KCMF1: variants seen among roughly 807,000 people sequenced by gnomAD.
KCMF1 encodes E3 ubiquitin-protein ligase KCMF1.
Under a neutral mutation model 41.1 loss-of-function variants are expected in KCMF1, and 3 were observed. The observed-to-expected ratio is 0.07, with a 90% CI of 0.03 to 0.19. The LOEUF is 0.19. KCMF1 is among the 10% of genes least tolerant of loss of function. The probability of loss-of-function intolerance (pLI) is 1.00; values close to 1 mark genes in which losing one functional copy is unlikely to be tolerated. For missense variants in KCMF1, 286 were observed against 488.9 expected (o/e 0.58, Z 3.91); for synonymous variants, 142 against 164.5 (o/e 0.86, Z 1.04).
intron 5 of KCMF1, among the ~76,000 whole-genome samples, chr2:85,047,941 A>T (rs975106446): frequency 9.2e-5 from 14 of 152,188 alleles, no homozygotes; most frequent in African/African-American, 3.4e-4. Flanking sequence ...AAAGGAGGAG[A>T]CAGCAGACAC....
intron 3 of KCMF1, among the ~76,000 whole-genome samples, chr2:85,038,394 G>A (rs1383040452): frequency 1.3e-5 from 2 of 152,088 alleles, no homozygotes; most frequent in African/African-American, 2.4e-5. Flanking sequence ...GTTCTACAAG[G>A]CCCAAAAGGA....
At chr2:85,036,765 G>A (rs1036960946) in intron 3 of KCMF1, among the ~76,000 whole-genome samples, 1 of 150,796 alleles carries the variant, frequency 6.6e-6, no homozygotes, top group Non-Finnish European at 1.5e-5. Flanking sequence ...GCATTGCACT[G>A]CAGCCTGGGT....
chr2:84,980,966 G>A (rs538988342), intron 1 of KCMF1, among the ~76,000 whole-genome samples: 182 of 151,904 alleles, frequency 1.2e-3, no homozygotes, highest in African/African-American at 4.1e-3. Flanking sequence ...TATGGCCACA[G>A]TGCCAGCCAG....
At chr2:85,027,856 A>G in intron 1 of KCMF1, 33 bp from the exon 2 acceptor site, 9 of 1,453,636 alleles carry the variant, frequency 6.2e-6, no homozygotes, top group Non-Finnish European at 8.5e-6. Flanking sequence ...GGCCTTTACA[A>G]CTGGTAACTA....
At chr2:84,981,291 G>A (rs1673741643) in intron 1 of KCMF1, among the ~76,000 whole-genome samples, 1 of 151,510 alleles carries the variant, frequency 6.6e-6, no homozygotes, top group Non-Finnish European at 1.5e-5. Flanking sequence ...CCGGGTTCAT[G>A]CCATTCTCCT....
At chr2:84,994,287 C>T (rs1467141350) in intron 1 of KCMF1, among the ~76,000 whole-genome samples, 1 of 151,944 alleles carries the variant, frequency 6.6e-6, no homozygotes, top group African/African-American at 2.4e-5. Context: ...ACCTGCATAT[C>T]CTTTTACTCA....
At chr2:85,053,016 A>G in intron 6 of KCMF1, 132 bp from the exon 7 acceptor site, 2 of 717,082 alleles carry the variant, frequency 2.8e-6, no homozygotes, top group Admixed American at 2.9e-5. Flanking sequence ...ATTACAGCCA[A>G]GTATTCCAGC....
At chr2:85,026,232 C>A (rs1294919484) in intron 1 of KCMF1, among the ~76,000 whole-genome samples, 1 of 151,720 alleles carries the variant, frequency 6.6e-6, no homozygotes, top group Admixed American at 6.6e-5. Context: ...CTCAGGTGAT[C>A]CGCCCACCTC....
rs1675916905 is a variant in KCMF1 at position 85,055,886 on chromosome 2, A to C, written c.*2477A>C. 6.6e-6 allele frequency: 1 copy of C among 152,084 alleles called. No individual in the cohort carries two copies. Among genetic ancestry groups the C allele is most frequent in the South Asian group, 2.1e-4 (1 of 4,828 alleles). The allele number at this position is 152,084 out of a possible 1,614,324, so 9.4% of individuals were successfully genotyped here. ...ATTTTGAGAATTTTTTGTTTCGTTG[A>C]GTTTTGAGTGTCTAGGATATAAGTT... On this transcript the variant is annotated 3_prime_UTR_variant, in exon 7 of 7. Transcript: ENST00000409785.
chr2:84,989,719 T>C (rs1351846595), intron 1 of KCMF1, among the ~76,000 whole-genome samples: 1 of 152,128 alleles, frequency 6.6e-6, no homozygotes, highest in Admixed American at 6.6e-5. Flanking sequence ...TTCATCATGA[T>C]GCATATAGAG....
intron 1 of KCMF1, among the ~76,000 whole-genome samples, chr2:85,016,710 T>G (rs76109738): frequency 2.0e-5 from 3 of 151,606 alleles, no homozygotes; most frequent in Admixed American, 6.6e-5. Context: ...TTTTTTTTTT[T>G]GAGACAGAGT....
At position 85,053,470 on chromosome 2, in the gene KCMF1, AACT is replaced by A; in HGVS notation, c.*63_*65del. On this transcript the variant is annotated 3_prime_UTR_variant, in exon 7 of 7. Coordinates refer to ENST00000409785, the MANE Select transcript of KCMF1 (RefSeq NM_020122.5). Reference sequence around the variant, plus strand: ...GTATTTGCCAATGAAAGTGGACAACAACTATCTTGGGTTTGTTTGGTGATTGTA... The same window carrying A: ...GTATTTGCCAATGAAAGTGGACAACAATCTTGGGTTTGTTTGGTGATTGTA... The A allele has an allele frequency of 6.6e-7, 1 of 1,504,744 alleles. No individual in the cohort carries two copies. 93.2% of individuals were successfully genotyped at this position (1,504,744 alleles called of 1,614,324 possible). A position where few individuals can be genotyped will look rare whatever the true frequency, so the allele number is the denominator to read the frequency against.
chr2:84,997,952 T>A (rs1324221397), intron 1 of KCMF1, among the ~76,000 whole-genome samples: 1 of 151,258 alleles, frequency 6.6e-6, no homozygotes, highest in Non-Finnish European at 1.5e-5. Context: ...TTTGTATTTT[T>A]AGTAGAGACA....
intron 1 of KCMF1, among the ~76,000 whole-genome samples, chr2:85,021,765 A>C (rs1041595287): frequency 6.6e-6 from 1 of 152,142 alleles, no homozygotes. Flanking sequence ...TGATTTGTCT[A>C]AGTGCTTATT....
intron 1 of KCMF1, among the ~76,000 whole-genome samples, chr2:85,015,793 T>C (rs1038416545): frequency 1.3e-5 from 2 of 152,220 alleles, no homozygotes; most frequent in African/African-American, 2.4e-5. Context: ...TTTGTGAAGA[T>C]TGACAAAGTA....
chr2:85,024,245 C>T (rs1276085419), intron 1 of KCMF1, among the ~76,000 whole-genome samples: 1 of 152,114 alleles, frequency 6.6e-6, no homozygotes, highest in Non-Finnish European at 1.5e-5. Flanking sequence ...TTTGGGAGGC[C>T]CAGGCGGGCA....
At chr2:85,022,266 G>A (rs185170772) in intron 1 of KCMF1, among the ~76,000 whole-genome samples, 1 of 152,156 alleles carries the variant, frequency 6.6e-6, no homozygotes, top group East Asian at 1.9e-4. Context: ...GAGTCCAGGA[G>A]TTTGAGACCA....
intron 1 of KCMF1, among the ~76,000 whole-genome samples, chr2:84,980,170 A>G (rs2103964368): frequency 6.6e-6 from 1 of 152,196 alleles, no homozygotes; most frequent in African/African-American, 2.4e-5. Flanking sequence ...GATTTATGTT[A>G]AAGATCTGGG....
At position 85,043,011 on chromosome 2, in the gene KCMF1, C is replaced by T. The variant is rs1181171812; in HGVS notation, c.325-553C>T. On this transcript the variant is annotated intron_variant, in intron 3 of 6. Transcript: ENST00000409785. ...GGAAATAAGGTTTAAAAATGGGCTT[C>T]CATACCATATTCCCCTTGGAAGTCA... 2.0e-5 allele frequency among the ~76,000 whole-genome samples: 3 copies of T among 152,296 alleles called. No individual in the cohort carries two copies. The East Asian group carries it at 5.8e-4, about 29-fold the overall frequency.
Sources: gnomAD v4.1 joint callset for allele counts (sites outside exome capture counted in the v4.1 genomes callset) on GRCh38, gnomAD v4.1.1 for gene constraint, MANE v1.5 for transcripts, NCBI Gene and HGNC (gene_info 2026-07-23, HGNC 2026-07-21) for gene names.